XYLT1: variants seen among roughly 807,000 people sequenced by gnomAD.
The protein encoded by XYLT1 is xylosyltransferase 1.
Under a neutral mutation model 91.3 loss-of-function variants are expected in XYLT1, and 36 were observed. That is an observed-to-expected ratio of 0.39 (90% CI 0.30 to 0.52). The LOEUF is 0.52. XYLT1 is among the 20% of genes least tolerant of loss of function. The pLI is 0.68. For synonymous variants in XYLT1, 588 were observed against 532.0 expected (o/e 1.11, Z -1.45); for missense variants, 1,242 against 1,284.5 (o/e 0.97, Z 0.51).
In XYLT1 at chr16:17,105,454, C is replaced by G. The variant is rs3812958; in HGVS notation, c.*3241G>C. 4 of 152,078 alleles carry G rather than the reference C, an allele frequency of 2.6e-5. No homozygotes were observed. Among genetic ancestry groups the G allele is most frequent in the African/African-American group, 9.7e-5 (4 of 41,344 alleles). 9.4% of individuals were successfully genotyped at this position (152,078 alleles called of 1,614,324 possible). On this transcript the variant is annotated 3_prime_UTR_variant, in exon 12 of 12. Transcript: ENST00000261381. Reference sequence around the variant, plus strand: ...TTTCCCCTGCAAAGGGAGAAAGCAGCGCGCTTCTCACAACACGGGGACCTT... The same window carrying G: ...TTTCCCCTGCAAAGGGAGAAAGCAGGGCGCTTCTCACAACACGGGGACCTT...
At position 17,395,828 on chromosome 16, in the gene XYLT1, G is replaced by A. The variant is rs191525380; in HGVS notation, c.364-37778C>T. On this transcript the variant is annotated intron_variant, in intron 1 of 11. Coordinates refer to ENST00000261381, the MANE Select transcript of XYLT1 (RefSeq NM_022166.4). ...ACATGGAATTCTTCAGGGACCCTTC[G>A]GGGAAGGACTCAGATGTAGTGTCCT... Among the ~76,000 whole-genome samples, 13 of 152,224 alleles carry A rather than the reference G, an allele frequency of 8.5e-5. 1 individual carries two copies. In the South Asian group the frequency reaches 1.7e-3, roughly 19 times the overall value.
At chr16:17,196,598 TAA>T (rs1319164357) in intron 5 of XYLT1, among the ~76,000 whole-genome samples, 1 of 152,194 alleles carries the variant, frequency 6.6e-6, no homozygotes, top group Non-Finnish European at 1.5e-5. Context: ...GTTGCCTTAA[TAA>T]AAGTTTTATT....
At chr16:17,179,114 T>C (rs1395363503) in intron 5 of XYLT1, among the ~76,000 whole-genome samples, 1 of 152,086 alleles carries the variant, frequency 6.6e-6, no homozygotes, top group Non-Finnish European at 1.5e-5. Flanking sequence ...TGGAGGCTTT[T>C]ATCCTAAGTG....
At chr16:17,328,579 A>AAAAG (rs2034849675) in intron 2 of XYLT1, among the ~76,000 whole-genome samples, 1 of 148,846 alleles carries the variant, frequency 6.7e-6, no homozygotes. Flanking sequence ...AAAAAAAAGA[A>AAAAG]GGTGTGATAA....
rs1555477151 is a variant in XYLT1 at position 17,105,131 on chromosome 16, C to T, written c.*3564G>A. The T allele has an allele frequency of 6.6e-6, 1 of 152,236 alleles. No homozygotes were observed. Among genetic ancestry groups the T allele is most frequent in the Non-Finnish European group, 1.5e-5 (1 of 68,086 alleles). The allele number at this position is 152,236 out of a possible 1,614,324, so 9.4% of individuals were successfully genotyped here. A position where few individuals can be genotyped will look rare whatever the true frequency, so the allele number is the denominator to read the frequency against. ...CAGTGAACTTGGTTGTGAAAGGACT[C>T]TTTATTCACACCCCACTGCCAGTAG... On this transcript the variant is annotated 3_prime_UTR_variant, in exon 12 of 12. Transcript: ENST00000261381.
chr16:17,279,409 C>T (rs1305335147), intron 2 of XYLT1, among the ~76,000 whole-genome samples: 3 of 152,170 alleles, frequency 2.0e-5, no homozygotes, highest in African/African-American at 7.2e-5. Flanking sequence ...AACAGAGGCT[C>T]AGAGAGGTGA....
intron 3 of XYLT1, among the ~76,000 whole-genome samples, chr16:17,204,263 C>T (rs1056872802): frequency 4.6e-5 from 7 of 152,150 alleles, no homozygotes; most frequent in African/African-American, 1.7e-4. Flanking sequence ...TTTTAAAAGG[C>T]AGAACAGATT....
intron 8 of XYLT1, chr16:17,137,677 G>C (rs1014736218): frequency 2.6e-5 from 4 of 152,252 alleles, no homozygotes; most frequent in African/African-American, 7.2e-5. Flanking sequence ...AAATTGTTAG[G>C]CTGCCCAGAG....
At chr16:17,444,725 T>C (rs1198545549) in intron 1 of XYLT1, among the ~76,000 whole-genome samples, 1 of 152,102 alleles carries the variant, frequency 6.6e-6, no homozygotes, top group Non-Finnish European at 1.5e-5. Flanking sequence ...ATAAATACTA[T>C]TGGAAGGAAT....
At chr16:17,142,377 CTTTA>C (rs1276481275) in intron 6 of XYLT1, among the ~76,000 whole-genome samples, 1 of 148,046 alleles carries the variant, frequency 6.8e-6, no homozygotes. Context: ...ACGTGTGTTT[CTTTA>C]TTAATACATT....
chr16:17,239,481 A>G (rs920145243), intron 3 of XYLT1, among the ~76,000 whole-genome samples: 2 of 139,890 alleles, frequency 1.4e-5, no homozygotes, highest in Non-Finnish European at 3.1e-5. Flanking sequence ...TCATCCATCC[A>G]TCCACCCACC....
intron 1 of XYLT1, among the ~76,000 whole-genome samples, chr16:17,431,412 C>T (rs934274247): frequency 3.9e-5 from 6 of 152,050 alleles, no homozygotes; most frequent in African/African-American, 1.5e-4. Flanking sequence ...TGTCCAAGGA[C>T]CCCACTTTGA....
intron 10 of XYLT1, 43 bp downstream of exon 10, chr16:17,127,623 A>T (rs2030305763): frequency 6.3e-7 from 1 of 1,585,312 alleles, no homozygotes; most frequent in East Asian, 2.2e-5. Context: ...TGGCCGAGGG[A>T]AATGCAAAAT....
chr16:17,289,335 T>G (rs2034188274), intron 2 of XYLT1, among the ~76,000 whole-genome samples: 1 of 152,144 alleles, frequency 6.6e-6, no homozygotes, highest in South Asian at 2.1e-4. Flanking sequence ...TTGTGCCAGC[T>G]TTTTTCCCCT....
chr16:17,453,155 TTC>T (rs1352544074), intron 1 of XYLT1, among the ~76,000 whole-genome samples: 1 of 152,172 alleles, frequency 6.6e-6, no homozygotes, highest in Non-Finnish European at 1.5e-5. Flanking sequence ...GCCCAAGGGT[TTC>T]AAGTCCACAA....
chr16:17,219,143 G>A (rs897327097), intron 3 of XYLT1, among the ~76,000 whole-genome samples: 3 of 151,898 alleles, frequency 2.0e-5, no homozygotes, highest in Non-Finnish European at 4.4e-5. Context: ...TTAGCTGGGC[G>A]TGGTGGCACA....
chr16:17,226,551 G>A (rs1039487779), intron 3 of XYLT1, among the ~76,000 whole-genome samples: 2 of 152,220 alleles, frequency 1.3e-5, no homozygotes, highest in African/African-American at 4.8e-5. Context: ...ACTTTGGGAG[G>A]CTGAGGCGGG....
At chr16:17,445,122 C>T (rs1401856895) in intron 1 of XYLT1, among the ~76,000 whole-genome samples, 1 of 152,176 alleles carries the variant, frequency 6.6e-6, no homozygotes, top group Non-Finnish European at 1.5e-5. Context: ...ACCTCATCCT[C>T]CCAAGTAGCT....
intron 5 of XYLT1, among the ~76,000 whole-genome samples, chr16:17,191,818 T>C (rs912148823): frequency 3.3e-5 from 5 of 152,246 alleles, no homozygotes; most frequent in African/African-American, 1.2e-4. Context: ...GTAACTTACA[T>C]GTCCATGTGG....
Sources: gnomAD v4.1 joint callset for allele counts (sites outside exome capture counted in the v4.1 genomes callset) on GRCh38, gnomAD v4.1.1 for gene constraint, MANE v1.5 for transcripts, NCBI Gene and HGNC (gene_info 2026-07-23, HGNC 2026-07-21) for gene names.